Variants in MAGI1 observed in about 807,000 individuals in gnomAD.
MAGI1 encodes membrane associated guanylate kinase, WW and PDZ domain containing 1.
MAGI1 carries 58 observed loss-of-function variants against 139.9 expected under a neutral mutation model. The observed-to-expected ratio is 0.41, with a 90% CI of 0.34 to 0.52. The LOEUF is 0.52. Ranked by LOEUF, MAGI1 falls within the 20% of genes least tolerant of loss-of-function variation. MAGI1 has a pLI of 0.12. For synonymous variants in MAGI1, 812 were observed against 737.9 expected, an observed-to-expected ratio of 1.10 and a Z score of -1.63; for missense variants, 1,874 against 1,901.6, an observed-to-expected ratio of 0.99 and a Z score of 0.27.
chr3:65,726,512 G>A (rs1056002560), intron 1 of MAGI1, among the ~76,000 whole-genome samples: 1 of 152,184 alleles, frequency 6.6e-6, no homozygotes, highest in Non-Finnish European at 1.5e-5. Context: ...TTGTGGTTAT[G>A]TTGAGGTATC....
At chr3:65,873,174 A>T (rs1201101146) in intron 1 of MAGI1, 1 of 152,230 alleles carries the variant, frequency 6.6e-6, no homozygotes, top group African/African-American at 2.4e-5. Context: ...GTCCGTGGGT[A>T]AAGTGCTGAT....
At chr3:65,751,816 T>G (rs2036176193) in intron 1 of MAGI1, among the ~76,000 whole-genome samples, 1 of 152,210 alleles carries the variant, frequency 6.6e-6, no homozygotes, top group South Asian at 2.1e-4. Flanking sequence ...ATATTTAGAG[T>G]CAAAAGACTT....
intron 1 of MAGI1, among the ~76,000 whole-genome samples, chr3:65,695,759 A>C (rs1428895594): frequency 6.6e-6 from 1 of 152,178 alleles, no homozygotes; most frequent in East Asian, 1.9e-4. Flanking sequence ...GCAGATTCCA[A>C]GGGCTCTCAG....
At chr3:65,455,944 C>A (rs1200991292) in intron 5 of MAGI1, among the ~76,000 whole-genome samples, 1 of 152,106 alleles carries the variant, frequency 6.6e-6, no homozygotes, top group Non-Finnish European at 1.5e-5. Flanking sequence ...ACATCTGGAT[C>A]ATTTCTAGTT....
chr3:65,411,742 A>C (rs536744444), intron 12 of MAGI1, among the ~76,000 whole-genome samples: 28 of 152,240 alleles, frequency 1.8e-4, no homozygotes, highest in Admixed American at 3.3e-4. Flanking sequence ...ATTTTTAGTA[A>C]TGTAAGTTAG....
intron 1 of MAGI1, among the ~76,000 whole-genome samples, chr3:65,848,336 G>A (rs913500757): frequency 2.0e-5 from 3 of 152,136 alleles, no homozygotes; most frequent in Non-Finnish European, 4.4e-5. Context: ...CGTATCCTAC[G>A]CTGGTTCTGA....
chr3:65,545,864 G>C (rs2079471994), intron 2 of MAGI1, among the ~76,000 whole-genome samples: 1 of 151,950 alleles, frequency 6.6e-6, no homozygotes, highest in Admixed American at 6.6e-5. Flanking sequence ...TAGTAAACGG[G>C]TCACAGAAAG....
At chr3:65,547,290 T>C (rs1451426476) in intron 2 of MAGI1, among the ~76,000 whole-genome samples, 1 of 152,232 alleles carries the variant, frequency 6.6e-6, no homozygotes, top group African/African-American at 2.4e-5. Flanking sequence ...TAGAGCTGAA[T>C]GTCAGCGTAG....
At chr3:65,811,659 T>A (rs1259078786) in intron 1 of MAGI1, among the ~76,000 whole-genome samples, 1 of 150,284 alleles carries the variant, frequency 6.7e-6, no homozygotes, top group African/African-American at 2.4e-5. Context: ...GAGAAAGAGA[T>A]AATGTAGCAA....
intron 2 of MAGI1, among the ~76,000 whole-genome samples, chr3:65,539,094 C>T (rs1163720396): frequency 6.6e-6 from 1 of 152,070 alleles, no homozygotes; most frequent in Non-Finnish European, 1.5e-5. Flanking sequence ...GTAGCAACTA[C>T]CATCAAACAG....
chr3:65,490,162 A>C (rs1951902191), intron 3 of MAGI1, among the ~76,000 whole-genome samples: 1 of 152,242 alleles, frequency 6.6e-6, no homozygotes, highest in African/African-American at 2.4e-5. Flanking sequence ...GAGAGCTTAC[A>C]TGTGTCAGAC....
chr3:65,379,098 A>T lies in MAGI1; in HGVS notation c.2995+163T>A. 2.1e-6 allele frequency: 3 copies of T among 1,447,338 alleles called. No individual in the cohort carries two copies. The Admixed American group carries it at 6.2e-5, about 30-fold the overall frequency. The allele number at this position is 1,447,338 out of a possible 1,614,324, so 89.7% of individuals were successfully genotyped here. On this transcript the variant is annotated intron_variant, in intron 17 of 22. Coordinates refer to ENST00000402939, the MANE Select transcript of MAGI1 (RefSeq NM_001033057.2). ...TATTCCCAACCTTCAAAAGGGAAAA[A>T]GCTACCAAATCAACTCCATCTCCAA...
chr3:65,919,728 A>G (rs992923248), intron 1 of MAGI1, among the ~76,000 whole-genome samples: 1 of 151,766 alleles, frequency 6.6e-6, no homozygotes, highest in African/African-American at 2.4e-5. Context: ...CAAGTTAGAA[A>G]AAGGCAACGT....
intron 2 of MAGI1, among the ~76,000 whole-genome samples, chr3:65,519,348 ACACACACACACACACACACACAC>A: frequency 8.4e-5 from 1 of 11,924 alleles, no homozygotes; most frequent in South Asian, 8.3e-3. Flanking sequence ...ACACACACAC[ACACACACACACACACACACACAC>A]ACACACACAC....
At chr3:65,628,239 GCTATTGTCA>G (rs2084091109) in intron 1 of MAGI1, among the ~76,000 whole-genome samples, 1 of 151,978 alleles carries the variant, frequency 6.6e-6, no homozygotes. Flanking sequence ...GCCAACATTG[GCTATTGTCA>G]CTATTTTTCA....
At chr3:65,379,206 C>T in intron 17 of MAGI1, 55 bp downstream of exon 17, 2 of 1,605,692 alleles carry the variant, frequency 1.2e-6, no homozygotes, top group South Asian at 1.1e-5. Flanking sequence ...CGCAAGAGAA[C>T]AAAAACTCCC....
chr3:65,857,682 C>G (rs1372500065), intron 1 of MAGI1, among the ~76,000 whole-genome samples: 2 of 152,124 alleles, frequency 1.3e-5, no homozygotes, highest in Admixed American at 6.5e-5. Flanking sequence ...GGTTTATAAA[C>G]TTTAGATGCT....
chr3:66,020,464 G>A (rs1483005841), intron 1 of MAGI1, among the ~76,000 whole-genome samples: 1 of 152,130 alleles, frequency 6.6e-6, no homozygotes, highest in Admixed American at 6.6e-5. Context: ...CAAGACAGGA[G>A]GAGGGTGAAA....
At chr3:65,885,635 T>C (rs1198107642) in intron 1 of MAGI1, among the ~76,000 whole-genome samples, 1 of 152,102 alleles carries the variant, frequency 6.6e-6, no homozygotes, top group East Asian at 1.9e-4. Flanking sequence ...ATAAGTATCA[T>C]GAGATCTGAC....
Sources: gnomAD v4.1 joint callset for allele counts (sites outside exome capture counted in the v4.1 genomes callset) on GRCh38, gnomAD v4.1.1 for gene constraint, MANE v1.5 for transcripts, NCBI Gene and HGNC (gene_info 2026-07-23, HGNC 2026-07-21) for gene names.